PRRC2C: variants seen among roughly 807,000 people sequenced by gnomAD.
The protein encoded by PRRC2C is proline rich coiled-coil 2C, also known as protein PRRC2C.
A neutral mutation model predicts 317.2 loss-of-function variants in PRRC2C; 72 were observed. The ratio of observed to expected loss-of-function variants is 0.23; its 90% CI spans 0.19 to 0.28. PRRC2C has a LOEUF of 0.28. Ranked by LOEUF, PRRC2C falls within the 10% of genes least tolerant of loss-of-function variation. The pLI, the probability that PRRC2C is intolerant of heterozygous loss-of-function variation, is 1.00. For synonymous variants in PRRC2C, 1,296 were observed against 1,205.9 expected (o/e 1.07, Z -1.55); for missense variants, 3,074 against 3,459.7 (o/e 0.89, Z 2.80).
chr1:171,513,805 C>T (rs961508719), intron 3 of PRRC2C, among the ~76,000 whole-genome samples: 4 of 152,146 alleles, frequency 2.6e-5, no homozygotes, highest in Non-Finnish European at 5.9e-5. Flanking sequence ...ATTCTATACT[C>T]CTGCCTGGGG....
chr1:171,523,453 A>T lies in PRRC2C; in HGVS notation c.986A>T (p.Asp329Val). The T allele has an allele frequency of 6.2e-7, 1 of 1,613,150 alleles. No individual in the cohort carries two copies. Among genetic ancestry groups the T allele is most frequent in the Non-Finnish European group, 8.5e-7 (1 of 1,179,696 alleles). The change falls in exon 9 of 35, where the codon GAT becomes GTT. Residue 329 changes from aspartate (D) to valine (V), a missense_variant. Transcript: ENST00000647382. The stretch of plus-strand genomic sequence containing the variant: ...TTAATAGGTGCTCAGATGGAAGTAG[A>T]TTATACAGAGCAACTGAATTTCAGT... ...EGWAGAQMEV[D>V]YTEQLNFSDD...
chr1:171,489,085 A>G (rs997300887), intron 1 of PRRC2C, among the ~76,000 whole-genome samples: 4 of 152,108 alleles, frequency 2.6e-5, no homozygotes, highest in Admixed American at 1.3e-4. Flanking sequence ...ATCACCTTGT[A>G]TGGTGGTTGG....
At chr1:171,566,526 A>G in intron 21 of PRRC2C, 66 bp from the exon 22 acceptor site, 10 of 1,485,804 alleles carry the variant, frequency 6.7e-6, no homozygotes, top group African/African-American at 1.4e-5. Context: ...ATCTTTGATC[A>G]TGGTGCAATG....
intron 1 of PRRC2C, among the ~76,000 whole-genome samples, chr1:171,487,259 A>T (rs1044027608): frequency 6.6e-6 from 1 of 152,164 alleles, no homozygotes; most frequent in Non-Finnish European, 1.5e-5. Context: ...GAAATCTGAG[A>T]GAGTAGTCTG....
intron 11 of PRRC2C, among the ~76,000 whole-genome samples, chr1:171,529,284 T>G (rs1675334936): frequency 1.3e-5 from 2 of 152,174 alleles, no homozygotes; most frequent in Admixed American, 1.3e-4. Context: ...AAATGTACAT[T>G]TAGCCTGAAA....
At chr1:171,521,057 G>GC (rs200863410) in intron 6 of PRRC2C, among the ~76,000 whole-genome samples, 2,659 of 151,994 alleles carry the variant, frequency 0.017, 32 homozygotes, top group Middle Eastern at 0.027. Flanking sequence ...ACCCGCTTCG[G>GC]CCTCCCAAAG....
intron 10 of PRRC2C, among the ~76,000 whole-genome samples, chr1:171,526,022 CTT>C (rs1192042976): frequency 6.6e-6 from 1 of 152,010 alleles, no homozygotes; most frequent in African/African-American, 2.4e-5. Context: ...ATTTTAATAA[CTT>C]TTTTGTGTGA....
At chr1:171,544,415 C>A (rs1320198881) in intron 16 of PRRC2C, among the ~76,000 whole-genome samples, 1 of 152,198 alleles carries the variant, frequency 6.6e-6, no homozygotes, top group African/African-American at 2.4e-5. Flanking sequence ...TGAGCCACTG[C>A]ACGTGGCCCA....
Position 171,557,517 on chromosome 1 carries a change from C to T in PRRC2C, c.5405C>T (p.Pro1802Leu). The T allele has an allele frequency of 6.4e-7, 1 of 1,551,610 alleles. No individual in the cohort carries two copies. Among genetic ancestry groups the T allele is most frequent in the Non-Finnish European group, 8.7e-7 (1 of 1,146,964 alleles). ...LAPVLASTSA[P>L]VPASPLAPVS... The stretch of plus-strand genomic sequence containing the variant: ...CCAGTTCTGGCCTCAACCTCAGCTC[C>T]AGTTCCAGCCTCACCCTTAGCTCCA... Residue 1802 changes from proline (P) to leucine (L), a missense_variant, in exon 19 of 35, where the codon CCA becomes CTA. Around this residue, in one of 11 missense-constraint regions of PRRC2C, gnomAD observed 640 missense variants for 676.1 expected, o/e 0.95. Coordinates refer to ENST00000647382, the MANE Select transcript of PRRC2C (RefSeq NM_001387844.1).
intron 27 of PRRC2C, 25 bp downstream of exon 27, chr1:171,579,491 C>A: frequency 6.2e-7 from 1 of 1,609,914 alleles, no homozygotes; most frequent in Non-Finnish European, 8.5e-7. Context: ...TTCTTCCATC[C>A]TGTATTTGTT....
At chr1:171,542,349 C>A in intron 16 of PRRC2C, 120 bp downstream of exon 16, 1 of 927,376 alleles carries the variant, frequency 1.1e-6, no homozygotes, top group Non-Finnish European at 1.6e-6. Context: ...ATTGTTCTTC[C>A]CAAATGCTTT....
At chr1:171,496,764 A>G (rs1030572536) in intron 1 of PRRC2C, among the ~76,000 whole-genome samples, 1 of 135,376 alleles carries the variant, frequency 7.4e-6, no homozygotes, top group African/African-American at 2.8e-5. Context: ...GCAAATCGAT[A>G]CATTTGGGGC....
chr1:171,538,922 G>C (rs1327507551), intron 15 of PRRC2C, among the ~76,000 whole-genome samples: 8 of 151,788 alleles, frequency 5.3e-5, no homozygotes, highest in Non-Finnish European at 1.5e-5. Flanking sequence ...TGTTGCCCTG[G>C]CTGGTCTCAA....
At chr1:171,501,260 A>G (rs1204076069) in intron 1 of PRRC2C, among the ~76,000 whole-genome samples, 1 of 152,162 alleles carries the variant, frequency 6.6e-6, no homozygotes, top group African/African-American at 2.4e-5. Flanking sequence ...CCTCCTGAGT[A>G]GCTGGGACTG....
chr1:171,566,570 T>C (rs1683705824), intron 21 of PRRC2C, 22 bp from the exon 22 acceptor site: 4 of 1,537,702 alleles, frequency 2.6e-6, no homozygotes, highest in Admixed American at 2.2e-5. Context: ...AACATAGTTT[T>C]ATCATAAACA....
chr1:171,588,291 T>C (rs761338693), intron 32 of PRRC2C, 88 bp from the exon 33 acceptor site: 5 of 1,437,162 alleles, frequency 3.5e-6, no homozygotes, highest in Non-Finnish European at 4.8e-6. Flanking sequence ...CCAAGTATGA[T>C]GAAAATACCA....
rs1406136832 is a variant in PRRC2C at position 171,592,639 on chromosome 1, G to A, written c.*792G>A. The A allele has an allele frequency of 6.6e-6, 1 of 152,058 alleles. No individual in the cohort carries two copies. The highest frequency in any genetic ancestry group is 1.5e-5 in the Non-Finnish European group (1 of 68,006). 9.4% of individuals were successfully genotyped at this position (152,058 alleles called of 1,614,324 possible). A position where few individuals can be genotyped will look rare whatever the true frequency, so the allele number is the denominator to read the frequency against. ...ACATGACAGATTTGGTAAAATGCTG[G>A]TTAGGTTGAGTCTTCCTTGCCCCCA... is the stretch of plus-strand genomic sequence containing the variant. On this transcript the variant is annotated 3_prime_UTR_variant, in exon 35 of 35. Coordinates refer to ENST00000647382, the MANE Select transcript of PRRC2C (RefSeq NM_001387844.1).
At chr1:171,534,864 G>A (rs1038611400) in intron 12 of PRRC2C, among the ~76,000 whole-genome samples, 10 of 152,164 alleles carry the variant, frequency 6.6e-5, no homozygotes, top group African/African-American at 2.2e-4. Context: ...AAAAGAATTT[G>A]TAACAAGCGT....
At chr1:171,574,156 TAAA>T (rs1348390644) in intron 24 of PRRC2C, among the ~76,000 whole-genome samples, 1 of 152,060 alleles carries the variant, frequency 6.6e-6, no homozygotes, top group African/African-American at 2.4e-5. Flanking sequence ...ATTTTAATAT[TAAA>T]AAAACTTATA....
Sources: gnomAD v4.1 joint callset for allele counts (sites outside exome capture counted in the v4.1 genomes callset) on GRCh38, gnomAD v4.1.1 for gene constraint, gnomAD v4.1.1 regional missense constraint, MANE v1.5 for transcripts, NCBI Gene and HGNC (gene_info 2026-07-23, HGNC 2026-07-21) for gene names.